Variants in DKK3 observed in about 807,000 individuals in gnomAD.
The protein encoded by DKK3 is dickkopf-related protein 3.
DKK3 carries 22 observed loss-of-function variants against 33.2 expected under a neutral mutation model. That is an observed-to-expected ratio of 0.66 (90% CI 0.47 to 0.95). The LOEUF (loss-of-function observed/expected upper bound fraction) is 0.95. Among genes scored for constraint, DKK3 ranks in the 40% least tolerant of loss-of-function variants. The pLI is 0.00. For synonymous variants in DKK3, 194 were observed against 188.8 expected (o/e 1.03, Z -0.23); for missense variants, 398 against 458.4 (o/e 0.87, Z 1.20).
chr11:11,964,548 G>A lies in DKK3; in HGVS notation c.969C>T (p.Asp323=), dbSNP rs572190853. ...FMEEVRQELE[D]LERSLTEEMA... ...TCTCTTCAGTCAGGCTCCTCTCCAG[G>A]TCCTCCAGCTCCTGGCGCACCTCCT... The change falls in exon 7 of 7, where the codon GAC becomes GAT. Residue 323 remains aspartate, a synonymous_variant. Transcript: ENST00000683431. The A allele has an allele frequency of 1.2e-6, 2 of 1,614,086 alleles. No individual in the cohort carries two copies. The highest frequency in any genetic ancestry group is 2.2e-5 in the East Asian group (1 of 44,880).
rs539163784 is a variant in DKK3 at position 11,994,098 on chromosome 11, C to G, written c.435+4598G>C. On this transcript the variant is annotated intron_variant, in intron 3 of 6. Transcript: ENST00000683431. ...CAGGCTGCTGCAGAATGAAAGCAGC[C>G]CGAGGCTACAAATGTCAGAGGAAAG... Among the ~76,000 whole-genome samples, 11 of 152,162 alleles carry G rather than the reference C, an allele frequency of 7.2e-5. No individual in the cohort carries two copies. In the South Asian group the frequency reaches 2.3e-3, roughly 32 times the overall value.
At chr11:11,975,185 C>A (rs560788920) in intron 3 of DKK3, among the ~76,000 whole-genome samples, 8 of 152,330 alleles carry the variant, frequency 5.3e-5, no homozygotes, top group African/African-American at 1.7e-4. Context: ...CATGCACCTT[C>A]CCCCGATACA....
intron 3 of DKK3, among the ~76,000 whole-genome samples, chr11:11,978,577 A>C (rs928243590): frequency 2.7e-5 from 4 of 149,524 alleles, no homozygotes; most frequent in African/African-American, 9.9e-5. Flanking sequence ...GGGTCTCTCT[A>C]TATGTTGCCC....
intron 3 of DKK3, among the ~76,000 whole-genome samples, chr11:11,973,956 C>G (rs1564909782): frequency 1.3e-5 from 2 of 152,230 alleles, no homozygotes; most frequent in South Asian, 4.1e-4. Flanking sequence ...GATGCTGCAT[C>G]TCATTCCTCA....
chr11:11,964,848 A>C, intron 6 of DKK3, 162 bp from the exon 7 acceptor site: 2 of 1,398,212 alleles, frequency 1.4e-6, no homozygotes, highest in Non-Finnish European at 1.9e-6. Flanking sequence ...ATCTATCTTA[A>C]AATGATGGCT....
chr11:12,006,459 A>G (rs1276445119), intron 1 of DKK3, among the ~76,000 whole-genome samples: 2 of 152,242 alleles, frequency 1.3e-5, no homozygotes, highest in African/African-American at 4.8e-5. Flanking sequence ...AGGGAAGATC[A>G]GTCCCCACTG....
At chr11:11,967,923 C>T (rs995749106) in intron 4 of DKK3, among the ~76,000 whole-genome samples, 1 of 152,118 alleles carries the variant, frequency 6.6e-6, no homozygotes, top group African/African-American at 2.4e-5. Context: ...GAGCAGCTGC[C>T]GCTCTCCCTG....
chr11:11,980,215 T>C (rs1197625496), intron 3 of DKK3, among the ~76,000 whole-genome samples: 2 of 152,208 alleles, frequency 1.3e-5, no homozygotes, highest in East Asian at 1.9e-4. Flanking sequence ...GGTCCCCACA[T>C]GGAAAGAGAT....
chr11:11,997,869 A>G (rs1309487498), intron 3 of DKK3, among the ~76,000 whole-genome samples: 1 of 152,150 alleles, frequency 6.6e-6, no homozygotes, highest in Non-Finnish European at 1.5e-5. Context: ...AGACCAAAAG[A>G]CGTGGGGAAA....
At chr11:11,989,031 T>G (rs12272517) in intron 3 of DKK3, among the ~76,000 whole-genome samples, 270 of 152,270 alleles carry the variant, frequency 1.8e-3, no homozygotes, top group African/African-American at 6.1e-3. Context: ...GGCACTTATG[T>G]CCTCTAGTGC....
chr11:11,987,109 C>A (rs939294233), intron 3 of DKK3, among the ~76,000 whole-genome samples: 1 of 152,200 alleles, frequency 6.6e-6, no homozygotes, highest in Non-Finnish European at 1.5e-5. Context: ...CACAGGGATA[C>A]GGAGGTGGCA....
At chr11:11,973,757 A>T (rs1847774968) in intron 3 of DKK3, among the ~76,000 whole-genome samples, 1 of 152,236 alleles carries the variant, frequency 6.6e-6, no homozygotes, top group Non-Finnish European at 1.5e-5. Flanking sequence ...ACTATCATGA[A>T]ATAGTGGAAA....
At chr11:11,988,114 G>A (rs985301786) in intron 3 of DKK3, among the ~76,000 whole-genome samples, 7 of 152,228 alleles carry the variant, frequency 4.6e-5, no homozygotes, top group Non-Finnish European at 4.4e-5. Context: ...TCAACTTGCA[G>A]CAGTTTGGAT....
Position 11,963,544 on chromosome 11 carries a change from CG to C in DKK3, c.*919del, listed in dbSNP as rs1847507996. 6.6e-6 allele frequency: 1 copy of C among 152,204 alleles called. No individual in the cohort carries two copies. The highest frequency in any genetic ancestry group is 1.5e-5 in the Non-Finnish European group (1 of 68,040). The allele number at this position is 152,204 out of a possible 1,614,324, so 9.4% of individuals were successfully genotyped here. On this transcript the variant is annotated 3_prime_UTR_variant, in exon 7 of 7. Coordinates refer to ENST00000683431, the MANE Select transcript of DKK3 (RefSeq NM_001018057.2). Reference sequence around the variant, plus strand: ...AATATCATTGTCTTCATTAGAAGGACGGCTGCCCCACACTGTGAGAACACTG... The same window carrying C: ...AATATCATTGTCTTCATTAGAAGGACGCTGCCCCACACTGTGAGAACACTG...
In DKK3 at chr11:11,964,433, A is replaced by T. The variant is rs1056318916; in HGVS notation, c.*31T>A. On this transcript the variant is annotated 3_prime_UTR_variant, in exon 7 of 7. Coordinates refer to ENST00000683431, the MANE Select transcript of DKK3 (RefSeq NM_001018057.2). ...CTGGGGAAATAAATTAGCTATTTCT[A>T]TTGCACATCTACCCACAGCCTGGTC... is the stretch of plus-strand genomic sequence containing the variant. 3 of 1,600,400 alleles carry T rather than the reference A, an allele frequency of 1.9e-6. No individual in the cohort carries two copies. Among genetic ancestry groups the T allele is most frequent in the Non-Finnish European group, 2.5e-6 (3 of 1,177,016 alleles).
At chr11:11,988,810 C>G (rs1243562765) in intron 3 of DKK3, among the ~76,000 whole-genome samples, 2 of 152,246 alleles carry the variant, frequency 1.3e-5, no homozygotes, top group Non-Finnish European at 2.9e-5. Flanking sequence ...TACGCCCAGG[C>G]CTAGGGAAAG....
chr11:11,990,051 A>G (rs967522184), intron 3 of DKK3, among the ~76,000 whole-genome samples: 2 of 152,242 alleles, frequency 1.3e-5, no homozygotes, highest in South Asian at 4.1e-4. Context: ...AATGGACTCA[A>G]TGAGTTTTTT....
chr11:11,981,153 G>A (rs551362685), intron 3 of DKK3, among the ~76,000 whole-genome samples: 3 of 152,334 alleles, frequency 2.0e-5, no homozygotes, highest in African/African-American at 7.2e-5. Context: ...AAGTAATGCT[G>A]CATAACTTCA....
intron 3 of DKK3, among the ~76,000 whole-genome samples, chr11:11,970,456 T>C (rs1164811505): frequency 6.6e-6 from 1 of 151,996 alleles, no homozygotes; most frequent in Non-Finnish European, 1.5e-5. Flanking sequence ...ATGGAAGAAA[T>C]TAGAAAGGTT....
Sources: allele counts gnomAD v4.1 joint callset (sites outside exome capture counted in the v4.1 genomes callset), GRCh38; gene constraint gnomAD v4.1.1; transcripts MANE v1.5; gene names NCBI Gene and HGNC (gene_info 2026-07-23, HGNC 2026-07-21).